Variants in RIMS2 observed in about 807,000 individuals in gnomAD.
RIMS2 encodes regulating synaptic membrane exocytosis protein 2.
A neutral mutation model predicts 174.4 loss-of-function variants in RIMS2; 59 were observed. The ratio of observed to expected loss-of-function variants is 0.34; its 90% CI spans 0.27 to 0.42. The LOEUF (loss-of-function observed/expected upper bound fraction) is 0.42, where lower values mean the gene tolerates loss of function less well. RIMS2 is among the 10% of genes least tolerant of loss of function. RIMS2 has a pLI of 1.00. For missense variants in RIMS2, 1,620 were observed against 1,666.3 expected (o/e 0.97, Z 0.48); for synonymous variants, 606 against 572.5 (o/e 1.06, Z -0.84).
At chr8:103,672,069 G>A (rs2096751624) in intron 1 of RIMS2, among the ~76,000 whole-genome samples, 1 of 152,108 alleles carries the variant, frequency 6.6e-6, no homozygotes, top group Non-Finnish European at 1.5e-5. Context: ...ACTAGTCACT[G>A]TAAATAATAT....
intron 1 of RIMS2, among the ~76,000 whole-genome samples, chr8:103,591,448 GATT>G (rs1483776403): frequency 6.6e-6 from 1 of 150,826 alleles, no homozygotes; most frequent in Admixed American, 6.6e-5. Flanking sequence ...AAAATTCTAT[GATT>G]ATTGTCTCTG....
intron 2 of RIMS2, among the ~76,000 whole-genome samples, chr8:103,723,117 A>G (rs1407423375): frequency 6.6e-6 from 1 of 152,206 alleles, no homozygotes; most frequent in Non-Finnish European, 1.5e-5. Context: ...GTCTCCAAAC[A>G]AACAAACAAA....
intron 19 of RIMS2, among the ~76,000 whole-genome samples, chr8:104,094,067 T>A (rs981198155): frequency 5.9e-5 from 9 of 152,094 alleles, no homozygotes; most frequent in Admixed American, 1.3e-4. Flanking sequence ...AATTTTTATA[T>A]ATGCATAGAA....
intron 2 of RIMS2, among the ~76,000 whole-genome samples, chr8:103,710,229 A>G (rs930732009): frequency 4.6e-5 from 7 of 152,306 alleles, no homozygotes; most frequent in African/African-American, 1.7e-4. Context: ...TATATAGCTT[A>G]TGATTTAATT....
intron 3 of RIMS2, among the ~76,000 whole-genome samples, chr8:103,779,779 G>A: frequency 6.7e-6 from 1 of 148,442 alleles, no homozygotes; most frequent in Admixed American, 6.7e-5. Context: ...GGGAGGGATA[G>A]CATTAGGAGA....
intron 3 of RIMS2, among the ~76,000 whole-genome samples, chr8:103,778,274 T>G (rs2098341255): frequency 6.6e-6 from 1 of 152,030 alleles, no homozygotes; most frequent in South Asian, 2.1e-4. Context: ...ATATTCAAAT[T>G]TTTCTCTTCT....
intron 4 of RIMS2, among the ~76,000 whole-genome samples, chr8:103,888,901 A>G (rs1331696831): frequency 6.6e-6 from 1 of 151,630 alleles, no homozygotes; most frequent in South Asian, 2.1e-4. Context: ...GTTTCTGCCA[A>G]CATGTATTTG....
chr8:104,075,119 A>G (rs1354724004), intron 19 of RIMS2, among the ~76,000 whole-genome samples: 1 of 152,118 alleles, frequency 6.6e-6, no homozygotes, highest in Non-Finnish European at 1.5e-5. Context: ...GCCCAGTAAC[A>G]TGATGAGGTG....
chr8:103,547,850 T>G (rs562043707), intron 1 of RIMS2, among the ~76,000 whole-genome samples: 1 of 152,136 alleles, frequency 6.6e-6, no homozygotes, highest in South Asian at 2.1e-4. Flanking sequence ...CCCACAGAAA[T>G]ACTAAAAAAC....
chr8:104,046,753 G>T (rs1159379826), intron 19 of RIMS2, among the ~76,000 whole-genome samples: 1 of 151,862 alleles, frequency 6.6e-6, no homozygotes, highest in African/African-American at 2.4e-5. Context: ...ACTCATGATG[G>T]CTCAGTCATG....
At chr8:104,130,939 T>C (rs2098469027) in intron 19 of RIMS2, among the ~76,000 whole-genome samples, 1 of 152,130 alleles carries the variant, frequency 6.6e-6, no homozygotes, top group Non-Finnish European at 1.5e-5. Context: ...GAGCATTTAG[T>C]TTAAGAGGGA....
intron 3 of RIMS2, among the ~76,000 whole-genome samples, chr8:103,787,052 T>C (rs1336562700): frequency 6.7e-6 from 1 of 149,548 alleles, no homozygotes; most frequent in Non-Finnish European, 1.5e-5. Context: ...TTTTGATCTT[T>C]GTTGGTTTAA....
At chr8:103,774,067 G>A (rs568796004) in intron 3 of RIMS2, among the ~76,000 whole-genome samples, 155 of 151,528 alleles carry the variant, frequency 1.0e-3, no homozygotes, top group African/African-American at 3.1e-3. Context: ...GCTTGAACCC[G>A]GGAGGCAGAT....
chr8:103,882,619 G>A (rs1008654625), intron 3 of RIMS2, among the ~76,000 whole-genome samples: 4 of 151,356 alleles, frequency 2.6e-5, no homozygotes, highest in African/African-American at 9.7e-5. Context: ...AGTACAAATC[G>A]ACATCTACAG....
intron 1 of RIMS2, among the ~76,000 whole-genome samples, chr8:103,512,894 A>G (rs1166895477): frequency 2.0e-5 from 3 of 152,206 alleles, no homozygotes; most frequent in Non-Finnish European, 2.9e-5. Context: ...CTAGACAATG[A>G]GCTTAGTCAT....
At chr8:104,196,229 G>T (rs990283635) in intron 19 of RIMS2, among the ~76,000 whole-genome samples, 1 of 152,036 alleles carries the variant, frequency 6.6e-6, no homozygotes, top group Non-Finnish European at 1.5e-5. Context: ...AATTTAGTCT[G>T]CTTGGACATG....
rs72679414 is a variant in RIMS2, at chr8:103,622,774, G to A, written c.177-74312G>A. ...TCAAATGGAGCACCAGCCACAGGCA[G>A]TTGGCTAAACAGCCAGGGAAACTGA... On this transcript the variant is annotated intron_variant, in intron 1 of 23. Coordinates refer to ENST00000504942, the Ensembl canonical transcript of RIMS2. 6.6e-4 allele frequency among the ~76,000 whole-genome samples: 101 copies of A among 152,322 alleles called. 1 individual carries two copies. Among genetic ancestry groups the A allele is most frequent in the Non-Finnish European group, 1.1e-3 (75 of 68,032 alleles).
intron 2 of RIMS2, among the ~76,000 whole-genome samples, chr8:103,747,037 A>C (rs1359453966): frequency 6.9e-6 from 1 of 145,656 alleles, no homozygotes; most frequent in Non-Finnish European, 1.5e-5. Context: ...ATGGCCTCCA[A>C]CTCTATCCAT....
At chr8:103,617,574 C>T (rs1391706973) in intron 1 of RIMS2, among the ~76,000 whole-genome samples, 1 of 152,096 alleles carries the variant, frequency 6.6e-6, no homozygotes, top group Non-Finnish European at 1.5e-5. Flanking sequence ...AAACAGACAG[C>T]CTATAGAATG....
Sources: gnomAD v4.1 joint callset for allele counts (sites outside exome capture counted in the v4.1 genomes callset) on GRCh38, gnomAD v4.1.1 for gene constraint, MANE v1.5 for transcripts, NCBI Gene and HGNC (gene_info 2026-07-23, HGNC 2026-07-21) for gene names.